Variants in HEXA observed in about 807,000 individuals in gnomAD.
HEXA encodes the protein beta-hexosaminidase subunit alpha.
Under a neutral mutation model 73.3 loss-of-function variants are expected in HEXA, and 54 were observed. The ratio of observed to expected loss-of-function variants is 0.74; its 90% CI spans 0.59 to 0.92. The LOEUF is 0.92. Ranked by LOEUF, HEXA falls within the 40% of genes least tolerant of loss-of-function variation. The pLI, the probability that HEXA is intolerant of heterozygous loss-of-function variation, is 0.00. For missense variants in HEXA, 649 were observed against 653.0 expected (o/e 0.99, Z 0.07); for synonymous variants, 230 against 246.9 (o/e 0.93, Z 0.64).
At chr15:72,350,155 GAAGA>G (rs1278140877) in intron 7 of HEXA, 1 of 353,796 alleles carries the variant, frequency 2.8e-6, no homozygotes, top group Admixed American at 3.9e-5. Flanking sequence ...AGGGTATACA[GAAGA>G]AAGGGAGCAG....
chr15:72,346,064 G>GT (rs2088608480), intron 12 of HEXA, 171 bp downstream of exon 12: 1 of 649,054 alleles, frequency 1.5e-6, no homozygotes, highest in South Asian at 1.8e-5. Context: ...CGGAAGTCAT[G>GT]TGGAGAGTGA....
rs1400730840 is a variant in HEXA at position 72,343,845 on chromosome 15, C to T, written c.*232G>A. The T allele has an allele frequency of 2.2e-5, 11 of 488,934 alleles. No homozygotes were observed. Among genetic ancestry groups the T allele is most frequent in the South Asian group, 4.0e-5 (2 of 49,692 alleles). 30.3% of individuals were successfully genotyped at this position (488,934 alleles called of 1,614,324 possible). ...CAGCCTGGCTGTGCCCTTACCCTAA[C>T]GCCATTCACACTTTTTTTTTTAAAC... On this transcript the variant is annotated 3_prime_UTR_variant, in exon 14 of 14. Transcript: ENST00000268097.
intron 5 of HEXA, 178 bp from the exon 6 acceptor site, chr15:72,351,412 T>C (rs2088694586): frequency 6.0e-6 from 4 of 670,112 alleles, no homozygotes; most frequent in South Asian, 4.9e-5. Context: ...AGGGATGGCA[T>C]GGAGGGAAGG....
chr15:72,351,576 C>T (rs929201344), intron 5 of HEXA: 1 of 389,520 alleles, frequency 2.6e-6, no homozygotes, highest in East Asian at 5.8e-5. Context: ...ATCAATACTT[C>T]CTCTTGCCAT....
intron 1 of HEXA, among the ~76,000 whole-genome samples, chr15:72,367,541 T>G (rs1008706403): frequency 2.6e-5 from 4 of 152,214 alleles, no homozygotes; most frequent in African/African-American, 9.6e-5. Context: ...CTAATCCCAC[T>G]CTACAGCAAG....
chr15:72,368,034 G>A (rs1236028333), intron 1 of HEXA, among the ~76,000 whole-genome samples: 4 of 152,116 alleles, frequency 2.6e-5, no homozygotes, highest in East Asian at 3.8e-4. Flanking sequence ...CTTTAAGGAC[G>A]GGGAAGTTCA....
At chr15:72,363,525 T>C (rs1046542602) in intron 1 of HEXA, among the ~76,000 whole-genome samples, 4 of 152,186 alleles carry the variant, frequency 2.6e-5, no homozygotes, top group African/African-American at 9.7e-5. Flanking sequence ...AAACTTCTTA[T>C]CCCAGTAAAG....
intron 5 of HEXA, chr15:72,351,491 T>C (rs1440130388): frequency 7.2e-6 from 4 of 558,662 alleles, no homozygotes; most frequent in Non-Finnish European, 1.3e-5. Context: ...TTCCTCTTCT[T>C]GAAATAAATT....
In HEXA at chr15:72,342,256, C is replaced by T. The variant is rs897216005; in HGVS notation, c.*1821G>A. 4 of 152,188 alleles carry T rather than the reference C, an allele frequency of 2.6e-5. No individual in the cohort carries two copies. The highest frequency in any genetic ancestry group is 9.7e-5 in the African/African-American group (4 of 41,420). 9.4% of individuals were successfully genotyped at this position (152,188 alleles called of 1,614,324 possible). On this transcript the variant is annotated 3_prime_UTR_variant, in exon 14 of 14. Coordinates refer to ENST00000268097, the MANE Select transcript of HEXA (RefSeq NM_000520.6). Reference sequence around the variant, plus strand: ...AAGAATTCTGTTGGTAGAAAATGCCCACCCTGTCCTTACAGGAACAGCACA... The same window carrying T: ...AAGAATTCTGTTGGTAGAAAATGCCTACCCTGTCCTTACAGGAACAGCACA...
rs2088570654 is a variant in HEXA, at chr15:72,343,294, C to G, written c.*783G>C. On this transcript the variant is annotated 3_prime_UTR_variant, in exon 14 of 14. Transcript: ENST00000268097. ...CTATTAATTCCAGTTACTCAGGAGG[C>G]TGATGCACGAGAATCGCTTGAACCC... is the stretch of plus-strand genomic sequence containing the variant. 1 of 152,020 alleles carries G rather than the reference C, an allele frequency of 6.6e-6. No individual in the cohort carries two copies. 9.4% of individuals were successfully genotyped at this position (152,020 alleles called of 1,614,324 possible).
At chr15:72,355,515 C>T (rs2088763983) in intron 3 of HEXA, 44 bp downstream of exon 3, 3 of 1,395,562 alleles carry the variant, frequency 2.1e-6, no homozygotes, top group East Asian at 4.6e-5. Context: ...AACCTTCCCA[C>T]ATCATCCTTT....
chr15:72,360,731 T>A (rs917404547), intron 1 of HEXA, among the ~76,000 whole-genome samples: 1 of 152,192 alleles, frequency 6.6e-6, no homozygotes, highest in East Asian at 1.9e-4. Context: ...GGAAGACAGA[T>A]CTGGATTCAA....
intron 3 of HEXA, chr15:72,354,694 G>C (rs1462101328): frequency 6.6e-6 from 1 of 152,422 alleles, no homozygotes; most frequent in Admixed American, 6.5e-5. Context: ...GTTGCTCCAA[G>C]CATAGAAGTG....
intron 1 of HEXA, among the ~76,000 whole-genome samples, chr15:72,367,047 G>T (rs1434308734): frequency 6.6e-6 from 1 of 151,958 alleles, no homozygotes; most frequent in Non-Finnish European, 1.5e-5. Context: ...GGATTCAAGC[G>T]ATTCTGCTGC....
At position 72,345,603 on chromosome 15, in the gene HEXA, G is replaced by C. The variant is rs2088602327; in HGVS notation, c.1422-53C>G. On this transcript the variant is annotated intron_variant, in intron 12 of 13. Transcript: ENST00000268097. Reference sequence around the variant, plus strand: ...TGGGCCCTGTATTCCCTGCAAAGGTGCTGGACATCCACAGGCTGCTACCTC... The same window carrying C: ...TGGGCCCTGTATTCCCTGCAAAGGTCCTGGACATCCACAGGCTGCTACCTC... 1.6e-5 allele frequency: 26 copies of C among 1,606,728 alleles called. No homozygotes were observed. In the South Asian group the frequency reaches 2.7e-4, roughly 16 times the overall value.
intron 13 of HEXA, chr15:72,345,164 A>G (rs1303236370): frequency 2.2e-5 from 10 of 458,018 alleles, no homozygotes; most frequent in Non-Finnish European, 3.5e-5. Context: ...CCAATGTACA[A>G]CTTCCCATAT....
chr15:72,368,284 T>C (rs1411806869), intron 1 of HEXA, among the ~76,000 whole-genome samples: 2 of 152,150 alleles, frequency 1.3e-5, no homozygotes, highest in Non-Finnish European at 2.9e-5. Context: ...AGGCCAGTAG[T>C]TTTCCAAATT....
intron 13 of HEXA, 48 bp from the exon 14 acceptor site, chr15:72,344,188 C>T (rs1352965286): frequency 7.0e-7 from 1 of 1,422,094 alleles, no homozygotes; most frequent in African/African-American, 1.4e-5. Flanking sequence ...TCAGAAGGGG[C>T]CCCAGCAACA....
At chr15:72,362,267 C>A (rs1032815315) in intron 1 of HEXA, 1 of 201,888 alleles carries the variant, frequency 5.0e-6, no homozygotes, top group Non-Finnish European at 1.0e-5. Flanking sequence ...TTCTGTTATT[C>A]CCCCCCTCTT....
Sources: allele counts gnomAD v4.1 joint callset (sites outside exome capture counted in the v4.1 genomes callset), GRCh38; gene constraint gnomAD v4.1.1; transcripts MANE v1.5; gene names NCBI Gene and HGNC (gene_info 2026-07-23, HGNC 2026-07-21).